The following SYT1 variants were observed in gnomAD, a reference collection of about 807,000 sequenced individuals.
SYT1 encodes synaptotagmin-1.
Under a neutral mutation model 44.8 loss-of-function variants are expected in SYT1, and 8 were observed. The observed-to-expected ratio is 0.18, with a 90% CI of 0.10 to 0.32. SYT1 has a LOEUF of 0.32. Ranked by LOEUF, SYT1 falls within the 10% of genes least tolerant of loss-of-function variation. The pLI is 1.00. For missense variants in SYT1, 286 were observed against 509.3 expected (o/e 0.56, Z 4.22); for synonymous variants, 154 against 188.8 (o/e 0.82, Z 1.51).
At chr12:79,203,215 A>G (rs1283964853) in intron 3 of SYT1, among the ~76,000 whole-genome samples, 5 of 152,220 alleles carry the variant, frequency 3.3e-5, no homozygotes, top group Non-Finnish European at 7.3e-5. Context: ...AGAAGTCCCA[A>G]GGTATGGTTG....
chr12:79,392,049 G>C (rs891855962), intron 9 of SYT1, among the ~76,000 whole-genome samples: 1 of 152,168 alleles, frequency 6.6e-6, no homozygotes, highest in Admixed American at 6.5e-5. Flanking sequence ...GTTCTTTGAA[G>C]AATGCGTAGG....
chr12:79,057,408 C>A (rs1007159010), intron 3 of SYT1, among the ~76,000 whole-genome samples: 2 of 151,674 alleles, frequency 1.3e-5, no homozygotes, highest in South Asian at 2.1e-4. Flanking sequence ...TATGACCCCC[C>A]CCAAATGATA....
intron 2 of SYT1, among the ~76,000 whole-genome samples, chr12:79,046,764 ATAGT>A (rs1361507674): frequency 7.9e-5 from 12 of 152,070 alleles, no homozygotes; most frequent in African/African-American, 2.2e-4. Context: ...ATGTACTAGA[ATAGT>A]TAGTAGGTTA....
intron 3 of SYT1, among the ~76,000 whole-genome samples, chr12:79,177,065 CTCT>C (rs1871929227): frequency 7.7e-6 from 1 of 129,132 alleles, no homozygotes; most frequent in African/African-American, 3.0e-5. Flanking sequence ...TTTTATTATA[CTCT>C]AAGTTTTAGG....
At chr12:79,278,598 C>T (rs765195806) in intron 4 of SYT1, among the ~76,000 whole-genome samples, 1 of 151,834 alleles carries the variant, frequency 6.6e-6, no homozygotes, top group Admixed American at 6.6e-5. Context: ...TGTCATGCCT[C>T]AAGGAACTAG....
intron 3 of SYT1, among the ~76,000 whole-genome samples, chr12:79,137,092 CTT>C (rs550391525): frequency 6.9e-6 from 1 of 145,324 alleles, no homozygotes; most frequent in Non-Finnish European, 1.5e-5. Flanking sequence ...ATACTTGGAA[CTT>C]TTTTTTTTTT....
chr12:79,185,191 TC>T (rs1451098994), intron 3 of SYT1, among the ~76,000 whole-genome samples: 1 of 152,132 alleles, frequency 6.6e-6, no homozygotes, highest in Non-Finnish European at 1.5e-5. Context: ...AAGAAGTCAA[TC>T]ATCAGTGCTT....
intron 8 of SYT1, among the ~76,000 whole-genome samples, chr12:79,308,497 C>T (rs1037449828): frequency 8.9e-5 from 12 of 134,566 alleles, no homozygotes; most frequent in Non-Finnish European, 1.2e-4. Flanking sequence ...ACAACAAGAG[C>T]GAAACTCCGT....
chr12:79,345,188 A>G (rs1882553979), intron 8 of SYT1, among the ~76,000 whole-genome samples: 1 of 152,148 alleles, frequency 6.6e-6, no homozygotes, highest in South Asian at 2.1e-4. Context: ...AAAAGGGGAA[A>G]ACTAGAAGGC....
intron 4 of SYT1, among the ~76,000 whole-genome samples, chr12:79,227,763 G>A (rs1875607784): frequency 1.3e-5 from 2 of 152,104 alleles, no homozygotes; most frequent in Non-Finnish European, 2.9e-5. Context: ...GTTTGGTAAA[G>A]GTGTCAATGC....
rs376592344 is a variant in SYT1 at position 79,285,901 on chromosome 12, A to T, written c.281A>T (p.Lys94Met). 6.2e-7 allele frequency: 1 copy of T among 1,613,934 alleles called. No homozygotes were observed. Among genetic ancestry groups the T allele is most frequent in the Non-Finnish European group, 8.5e-7 (1 of 1,179,952 alleles). ...AAAAAGAAAAACAAGAAGAAGGGAA[A>T]GGAAAAAGGAGGGAAGAATGCCATT... ...LFKKKNKKKG[K>M]EKGGKNAINM... is the part of the protein sequence containing the mutation. The change falls in exon 5 of 11, where the codon AAG becomes ATG. Residue 94 changes from lysine to methionine, a missense_variant. Around this residue, in one of 6 missense-constraint regions of SYT1, gnomAD observed 141 missense variants for 165.7 expected, o/e 0.85. Transcript: ENST00000261205.
chr12:79,177,091 A>G (rs1395730456), intron 3 of SYT1, among the ~76,000 whole-genome samples: 1 of 132,030 alleles, frequency 7.6e-6, no homozygotes, highest in African/African-American at 2.9e-5. Flanking sequence ...ACATGTGCAC[A>G]TTGTGCAGGT....
chr12:79,076,321 G>C (rs1876645622), intron 3 of SYT1, among the ~76,000 whole-genome samples: 1 of 152,106 alleles, frequency 6.6e-6, no homozygotes, highest in African/African-American at 2.4e-5. Context: ...AAAGGAAGGT[G>C]ACCGTGACCT....
intron 4 of SYT1, among the ~76,000 whole-genome samples, chr12:79,256,956 C>T (rs978762351): frequency 1.3e-5 from 2 of 152,166 alleles, no homozygotes; most frequent in Non-Finnish European, 2.9e-5. Flanking sequence ...ACTTCAGCTC[C>T]ATTTCCAGAG....
At chr12:79,028,575 T>G (rs2137659894) in intron 2 of SYT1, among the ~76,000 whole-genome samples, 1 of 151,244 alleles carries the variant, frequency 6.6e-6, no homozygotes, top group East Asian at 1.9e-4. Flanking sequence ...CAATACATCT[T>G]TGTTGGATAA....
At chr12:79,035,229 A>C (rs1314993360) in intron 2 of SYT1, among the ~76,000 whole-genome samples, 1 of 151,736 alleles carries the variant, frequency 6.6e-6, no homozygotes, top group African/African-American at 2.4e-5. Context: ...CCAAGGTTTA[A>C]ATACATAATT....
intron 3 of SYT1, among the ~76,000 whole-genome samples, chr12:79,081,645 C>T (rs759764437): frequency 9.2e-5 from 14 of 152,152 alleles, no homozygotes; most frequent in Non-Finnish European, 1.9e-4. Context: ...TCCCAAAGTG[C>T]TGGGCTTACG....
intron 9 of SYT1, among the ~76,000 whole-genome samples, chr12:79,390,013 A>G (rs550377789): frequency 3.3e-5 from 5 of 151,562 alleles, no homozygotes; most frequent in Non-Finnish European, 7.4e-5. Flanking sequence ...GCTCACTGCA[A>G]TTTCTGCCTC....
intron 8 of SYT1, among the ~76,000 whole-genome samples, chr12:79,346,973 G>A (rs1041109812): frequency 1.3e-5 from 2 of 151,830 alleles, no homozygotes; most frequent in African/African-American, 4.8e-5. Context: ...TAAAGCAATT[G>A]CTAGCAGAAA....
Sources: allele counts gnomAD v4.1 joint callset (sites outside exome capture counted in the v4.1 genomes callset), GRCh38; gene constraint gnomAD v4.1.1; regional missense constraint gnomAD v4.1.1; transcripts MANE v1.5; gene names NCBI Gene and HGNC (gene_info 2026-07-23, HGNC 2026-07-21).